SLC16A12: variants seen among roughly 807,000 people sequenced by gnomAD.
SLC16A12 encodes solute carrier family 16 member 12.
In SLC16A12, 17 loss-of-function variants were observed where a neutral mutation model predicts 42.4. The ratio of observed to expected loss-of-function variants is 0.40; its 90% confidence interval spans 0.27 to 0.60. The LOEUF is 0.60. Ranked by LOEUF, SLC16A12 falls within the 20% of genes least tolerant of loss-of-function variation. The pLI, the probability that SLC16A12 is intolerant of heterozygous loss-of-function variation, is 0.42. For missense variants in SLC16A12, 544 were observed against 623.0 expected (o/e 0.87, Z 1.35); for synonymous variants, 224 against 229.4 (o/e 0.98, Z 0.21).
At chr10:89,464,164 G>T (rs1489996237) in intron 2 of SLC16A12, among the ~76,000 whole-genome samples, 1 of 152,224 alleles carries the variant, frequency 6.6e-6, no homozygotes, top group African/African-American at 2.4e-5. Context: ...CAGACAGCAA[G>T]AAACATGAAG....
At chr10:89,471,233 A>G (rs571427726) in intron 2 of SLC16A12, among the ~76,000 whole-genome samples, 1 of 152,320 alleles carries the variant, frequency 6.6e-6, no homozygotes, top group African/African-American at 2.4e-5. Context: ...TCATCCCCAG[A>G]CATTCCCTCA....
chr10:89,436,700 C>G (rs1841790789), intron 6 of SLC16A12, among the ~76,000 whole-genome samples: 1 of 151,634 alleles, frequency 6.6e-6, no homozygotes, highest in Admixed American at 6.6e-5. Flanking sequence ...AATCTTTTGG[C>G]TTCCCTGGGC....
intron 2 of SLC16A12, among the ~76,000 whole-genome samples, chr10:89,515,186 T>C (rs531691074): frequency 6.6e-6 from 1 of 151,252 alleles, no homozygotes; most frequent in East Asian, 1.9e-4. Context: ...TTTCAATGGA[T>C]GATGATTACA....
chr10:89,433,060 T>C lies in SLC16A12; in HGVS notation c.*4A>G, dbSNP rs1178811304. The C allele has an allele frequency of 6.2e-7, 1 of 1,613,928 alleles. No homozygotes were observed. The highest frequency in any genetic ancestry group is 8.5e-7 in the Non-Finnish European group (1 of 1,180,000). ...CTGAAGATTCTGGGGCTCAAGGCCT[T>C]TGGTCATGTGAGGCTGTAGCCAGGC... On this transcript the variant is annotated 3_prime_UTR_variant, in exon 8 of 8. Coordinates refer to ENST00000371790, the MANE Select transcript of SLC16A12 (RefSeq NM_213606.4).
intron 2 of SLC16A12, among the ~76,000 whole-genome samples, chr10:89,464,319 A>G (rs1453673982): frequency 6.6e-6 from 1 of 152,216 alleles, no homozygotes; most frequent in African/African-American, 2.4e-5. Flanking sequence ...CCAAGGACCC[A>G]GCTAAGCTAT....
At chr10:89,434,407 T>G (rs1392072680) in intron 7 of SLC16A12, among the ~76,000 whole-genome samples, 2 of 152,224 alleles carry the variant, frequency 1.3e-5, no homozygotes, top group Non-Finnish European at 2.9e-5. Context: ...TGACACTGTT[T>G]CTAAAGGTTG....
intron 2 of SLC16A12, among the ~76,000 whole-genome samples, chr10:89,549,181 T>C (rs1843757176): frequency 6.6e-6 from 1 of 152,256 alleles, no homozygotes. Context: ...AAGTTTCTGC[T>C]TCACCTTTAT....
Position 89,444,973 on chromosome 10 carries a change from C to T in SLC16A12, c.201-1114G>A, listed in dbSNP as rs138977020. Among the ~76,000 whole-genome samples, 405 of 152,386 alleles carry T rather than the reference C, an allele frequency of 2.7e-3. 2 individuals are homozygous for T. The highest frequency in any genetic ancestry group is 0.014 in the Middle Eastern group (4 of 294). On this transcript the variant is annotated intron_variant, in intron 3 of 7. Transcript: ENST00000371790. ...CCTGTGCCTAGCTCAGCAAGCCCTA[C>T]GCCCATGGAGCCTTGCTCACTGCTA...
Position 89,462,613 on chromosome 10 carries a change from G to A in SLC16A12, c.-35C>T. 2 of 1,561,190 alleles carry A rather than the reference G, an allele frequency of 1.3e-6. No homozygotes were observed. Among genetic ancestry groups the A allele is most frequent in the Non-Finnish European group, 1.7e-6 (2 of 1,159,618 alleles). Reference sequence around the variant, plus strand: ...GCATAGAACGCTACCTGGCCCATGGGTTACTCGCCATCTAAAACCAAAAAT... The same window carrying A: ...GCATAGAACGCTACCTGGCCCATGGATTACTCGCCATCTAAAACCAAAAAT... On this transcript the variant is annotated 5_prime_UTR_variant, in exon 3 of 8. Coordinates refer to ENST00000371790, the MANE Select transcript of SLC16A12 (RefSeq NM_213606.4).
chr10:89,445,201 C>T (rs534206112), intron 3 of SLC16A12, among the ~76,000 whole-genome samples: 52 of 152,344 alleles, frequency 3.4e-4, no homozygotes, highest in African/African-American at 1.0e-3. Context: ...TTAAATGTCC[C>T]GGTCTGACAG....
intron 4 of SLC16A12, among the ~76,000 whole-genome samples, chr10:89,442,956 T>A (rs529211121): frequency 6.6e-6 from 1 of 152,274 alleles, no homozygotes; most frequent in East Asian, 1.9e-4. Flanking sequence ...ATGGATTAAG[T>A]GGGTCTAAGC....
At chr10:89,434,018 C>G (rs1230647054) in intron 7 of SLC16A12, among the ~76,000 whole-genome samples, 1 of 152,124 alleles carries the variant, frequency 6.6e-6, no homozygotes, top group Non-Finnish European at 1.5e-5. Context: ...TTATAATTAA[C>G]AAAGGTTTTT....
At chr10:89,552,400 T>C (rs1285354893) in intron 2 of SLC16A12, among the ~76,000 whole-genome samples, 1 of 152,258 alleles carries the variant, frequency 6.6e-6, no homozygotes, top group African/African-American at 2.4e-5. Flanking sequence ...AAGAACATTA[T>C]GACAATCTAT....
At chr10:89,441,485 A>G (rs1284241687) in intron 4 of SLC16A12, among the ~76,000 whole-genome samples, 2 of 152,120 alleles carry the variant, frequency 1.3e-5, no homozygotes, top group African/African-American at 2.4e-5. Flanking sequence ...TCAGGGCTCA[A>G]TCCTCTTCAT....
rs1326450546 is a variant in SLC16A12, at chr10:89,462,589, C to T, written c.-11G>A. On this transcript the variant is annotated 5_prime_UTR_variant, in exon 3 of 8. An upstream start codon of the reference 5' UTR is lost. Transcript: ENST00000371790. ...ACTTCCTGATGGCATTCAAGGTTGGCATAGAACGCTACCTGGCCCATGGGT... is the reference window on the plus strand; with the variant it reads ...ACTTCCTGATGGCATTCAAGGTTGGTATAGAACGCTACCTGGCCCATGGGT... The T allele has an allele frequency of 6.3e-7, 1 of 1,593,388 alleles. No homozygotes were observed. Among genetic ancestry groups the T allele is most frequent in the Middle Eastern group, 1.7e-4 (1 of 5,978 alleles).
chr10:89,486,606 AGAAAGAAAGAAAGAAAGAAAG>A (rs1842749187), intron 2 of SLC16A12, among the ~76,000 whole-genome samples: 1 of 44,832 alleles, frequency 2.2e-5, no homozygotes, highest in Non-Finnish European at 4.3e-5. Context: ...AAAAAAAAAA[AGAAAGAAAGAAAGAAAGAAAG>A]AAAGAAAGAA....
At chr10:89,436,425 G>C (rs905063185) in intron 6 of SLC16A12, 106 bp from the exon 7 acceptor site, 3 of 1,375,702 alleles carry the variant, frequency 2.2e-6, no homozygotes, top group African/African-American at 2.9e-5. Context: ...TTACAGAGAT[G>C]GCTTTCCCAT....
chr10:89,481,596 AT>A (rs1842661578), intron 2 of SLC16A12, among the ~76,000 whole-genome samples: 1 of 149,294 alleles, frequency 6.7e-6, no homozygotes, highest in South Asian at 2.1e-4. Flanking sequence ...CTGTATGACT[AT>A]TTTTTTAAGG....
intron 2 of SLC16A12, among the ~76,000 whole-genome samples, chr10:89,501,529 A>T (rs1370286082): frequency 6.6e-6 from 1 of 152,216 alleles, no homozygotes; most frequent in Non-Finnish European, 1.5e-5. Context: ...CTGATCTTTG[A>T]CAAAGCAAAC....
Sources: gnomAD v4.1 joint callset for allele counts (sites outside exome capture counted in the v4.1 genomes callset) on GRCh38, gnomAD v4.1.1 for gene constraint, MANE v1.5 for transcripts, NCBI Gene and HGNC (gene_info 2026-07-23, HGNC 2026-07-21) for gene names.